The following FOXP2 variants were observed in gnomAD, a reference collection of about 807,000 sequenced individuals.
The protein encoded by FOXP2 is forkhead box P2.
Under a neutral mutation model 115.8 loss-of-function variants are expected in FOXP2, and 12 were observed. That is an observed-to-expected ratio of 0.10 (90% CI 0.07 to 0.17). The LOEUF is 0.17. FOXP2 is among the 10% of genes least tolerant of loss of function. FOXP2 has a pLI of 1.00. For missense variants in FOXP2, 629 were observed against 843.5 expected, an observed-to-expected ratio of 0.75 and a Z score of 3.15; for synonymous variants, 328 against 297.7, an observed-to-expected ratio of 1.10 and a Z score of -1.05.
chr7:114,200,187 T>C (rs1319734146), intron 1 of FOXP2, among the ~76,000 whole-genome samples: 1 of 152,218 alleles, frequency 6.6e-6, no homozygotes, highest in Non-Finnish European at 1.5e-5. Context: ...AGTTATTTTC[T>C]TTAATGACAA....
chr7:114,414,882 T>G lies in FOXP2; in HGVS notation c.-489T>G, dbSNP rs983752191. The G allele has an allele frequency of 8.7e-6, 3 of 346,474 alleles. No homozygotes were observed. The highest frequency in any genetic ancestry group is 2.2e-5 in the African/African-American group (1 of 46,344). 21.5% of individuals were successfully genotyped at this position (346,474 alleles called of 1,614,324 possible). The stretch of plus-strand genomic sequence containing the variant: ...GTGCTTTTGTCTCTCTCTCTCTGTC[T>G]TTCTCTCTCTCACACACACACTCAC... On this transcript the variant is annotated 5_prime_UTR_variant, in exon 1 of 17. Coordinates refer to ENST00000350908, the MANE Select transcript of FOXP2 (RefSeq NM_014491.4).
At chr7:114,303,882 G>A (rs1326857748) in intron 2 of FOXP2, among the ~76,000 whole-genome samples, 2 of 152,010 alleles carry the variant, frequency 1.3e-5, no homozygotes, top group African/African-American at 4.8e-5. Context: ...TGAAACATGA[G>A]ATGTTTTATT....
At chr7:114,343,114 A>AT (rs1315063671) in intron 2 of FOXP2, among the ~76,000 whole-genome samples, 3 of 151,554 alleles carry the variant, frequency 2.0e-5, no homozygotes, top group African/African-American at 7.3e-5. Flanking sequence ...TATTGTCTGT[A>AT]TGAATGCCAT....
intron 1 of FOXP2, among the ~76,000 whole-genome samples, chr7:114,194,654 T>A (rs1475853493): frequency 6.6e-6 from 1 of 152,122 alleles, no homozygotes; most frequent in Non-Finnish European, 1.5e-5. Context: ...TTTTTGCCAC[T>A]AGCTTTTTGT....
chr7:114,248,806 T>G (rs569315154), intron 1 of FOXP2, among the ~76,000 whole-genome samples: 1 of 152,170 alleles, frequency 6.6e-6, no homozygotes, highest in Non-Finnish European at 1.5e-5. Flanking sequence ...GTTTTTACTG[T>G]TTTTATCCTC....
At chr7:114,176,306 C>G (rs868422171) in intron 1 of FOXP2, among the ~76,000 whole-genome samples, 3 of 120,160 alleles carry the variant, frequency 2.5e-5, no homozygotes, top group African/African-American at 5.1e-5. Flanking sequence ...CTTTCTCTCT[C>G]TCTCTCTCTC....
chr7:114,477,493 G>A (rs1361381855), intron 2 of FOXP2, among the ~76,000 whole-genome samples: 1 of 151,848 alleles, frequency 6.6e-6, no homozygotes, highest in African/African-American at 2.4e-5. Flanking sequence ...GACTACTAGA[G>A]CGAGAAGGGA....
chr7:114,240,863 A>G (rs1403378426), intron 1 of FOXP2, among the ~76,000 whole-genome samples: 2 of 151,942 alleles, frequency 1.3e-5, no homozygotes, highest in Non-Finnish European at 1.5e-5. Flanking sequence ...TAGTTATATC[A>G]CTGTTAACAC....
intron 1 of FOXP2, among the ~76,000 whole-genome samples, chr7:114,120,812 A>G (rs1791543152): frequency 6.6e-6 from 1 of 152,062 alleles, no homozygotes; most frequent in South Asian, 2.1e-4. Flanking sequence ...ACTGAGTCAC[A>G]GACGTTCAGC....
intron 1 of FOXP2, among the ~76,000 whole-genome samples, chr7:114,167,632 A>C (rs1562989138): frequency 6.6e-6 from 1 of 151,938 alleles, no homozygotes; most frequent in Non-Finnish European, 1.5e-5. Flanking sequence ...AGGAGATCTG[A>C]TGGTTTTAAA....
intron 3 of FOXP2, chr7:114,570,903 G>T (rs1384973413): frequency 6.2e-7 from 1 of 1,606,474 alleles, no homozygotes. Flanking sequence ...TGGGCAATTA[G>T]AAATTCAGCT....
At chr7:114,308,530 T>G (rs1797069949) in intron 2 of FOXP2, among the ~76,000 whole-genome samples, 1 of 152,272 alleles carries the variant, frequency 6.6e-6, no homozygotes, top group South Asian at 2.1e-4. Context: ...TAAACCCTTT[T>G]AAGGGACAGC....
At chr7:114,143,598 T>C (rs1792285673) in intron 1 of FOXP2, among the ~76,000 whole-genome samples, 1 of 152,138 alleles carries the variant, frequency 6.6e-6, no homozygotes, top group South Asian at 2.1e-4. Flanking sequence ...TTTTAACATA[T>C]ACTTCCATTA....
At chr7:114,114,717 A>AC (rs1791358035) in intron 1 of FOXP2, among the ~76,000 whole-genome samples, 1 of 152,122 alleles carries the variant, frequency 6.6e-6, no homozygotes, top group African/African-American at 2.4e-5. Context: ...TGATAGCTCC[A>AC]CCTTGCCTTA....
intron 2 of FOXP2, among the ~76,000 whole-genome samples, chr7:114,399,933 T>G (rs1297421437): frequency 1.7e-5 from 2 of 118,740 alleles, no homozygotes; most frequent in Admixed American, 1.5e-4. Context: ...CTTGGCTCAC[T>G]GCAACCTCCG....
At chr7:114,245,664 A>G (rs1203187426) in intron 1 of FOXP2, among the ~76,000 whole-genome samples, 1 of 152,156 alleles carries the variant, frequency 6.6e-6, no homozygotes, top group Non-Finnish European at 1.5e-5. Flanking sequence ...AATTTATCTC[A>G]GATTATTCAT....
chr7:114,499,755 G>A (rs1027861344), intron 2 of FOXP2: 2 of 151,956 alleles, frequency 1.3e-5, no homozygotes, highest in African/African-American at 4.8e-5. Context: ...GCGATGTAAT[G>A]GTCATTTTAA....
chr7:114,616,224 G>A (rs571445240), intron 3 of FOXP2, among the ~76,000 whole-genome samples: 9 of 151,740 alleles, frequency 5.9e-5, no homozygotes, highest in South Asian at 4.2e-4. Flanking sequence ...GTGCAGTGGC[G>A]CAGTCTTGGC....
chr7:114,644,863 A>G (rs1012753570), intron 8 of FOXP2, 74 bp downstream of exon 8: 2 of 1,150,714 alleles, frequency 1.7e-6, no homozygotes, highest in African/African-American at 3.1e-5. Flanking sequence ...TTGTAAATAA[A>G]CAAAAGATGA....
Sources: gnomAD v4.1 joint callset for allele counts (sites outside exome capture counted in the v4.1 genomes callset) on GRCh38, gnomAD v4.1.1 for gene constraint, MANE v1.5 for transcripts, NCBI Gene and HGNC (gene_info 2026-07-23, HGNC 2026-07-21) for gene names.